MTHFD1L: variants seen among roughly 807,000 people sequenced by gnomAD.
MTHFD1L encodes the protein methylenetetrahydrofolate dehydrogenase (NADP+ dependent) 1 like.
In MTHFD1L, 81 loss-of-function variants were observed where a neutral mutation model predicts 119.5. The ratio of observed to expected loss-of-function variants is 0.68; its 90% CI spans 0.57 to 0.82. The LOEUF is 0.82. Among genes scored for constraint, MTHFD1L ranks in the 40% least tolerant of loss-of-function variants. The pLI is 0.00. For synonymous variants in MTHFD1L, 430 were observed against 475.2 expected, an observed-to-expected ratio of 0.90 and a Z score of 1.24; for missense variants, 1,125 against 1,253.4, an observed-to-expected ratio of 0.90 and a Z score of 1.55.
chr6:150,905,020 T>TA (rs1210567943), intron 7 of MTHFD1L, among the ~76,000 whole-genome samples: 5 of 150,052 alleles, frequency 3.3e-5, no homozygotes, highest in African/African-American at 9.8e-5. Context: ...CTCATGGCCT[T>TA]AGCCCTTGTT....
chr6:151,003,697 G>A (rs926369612), intron 20 of MTHFD1L, among the ~76,000 whole-genome samples: 1 of 152,170 alleles, frequency 6.6e-6, no homozygotes, highest in East Asian at 1.9e-4. Context: ...AAGACACTAG[G>A]CACAATCGTA....
At chr6:151,031,517 G>A (rs1000749084) in intron 24 of MTHFD1L, among the ~76,000 whole-genome samples, 3 of 152,204 alleles carry the variant, frequency 2.0e-5, no homozygotes, top group Admixed American at 1.3e-4. Context: ...TGAAGGCTTC[G>A]TGGAGGAGGT....
chr6:151,095,504 C>T (rs1465751425), intron 27 of MTHFD1L, among the ~76,000 whole-genome samples: 1 of 152,166 alleles, frequency 6.6e-6, no homozygotes, highest in African/African-American at 2.4e-5. Flanking sequence ...CCAATTATAC[C>T]TTAATCACTG....
chr6:151,027,248 CAG>C (rs1784727577), intron 24 of MTHFD1L, among the ~76,000 whole-genome samples: 1 of 152,040 alleles, frequency 6.6e-6, no homozygotes, highest in African/African-American at 2.4e-5. Context: ...AATGTTTATA[CAG>C]AGTCTTGACT....
At chr6:150,974,182 A>G (rs576551845) in intron 20 of MTHFD1L, among the ~76,000 whole-genome samples, 1 of 152,172 alleles carries the variant, frequency 6.6e-6, no homozygotes, top group South Asian at 2.1e-4. Context: ...TGGTTTCCCT[A>G]CCTGTAAAAT....
chr6:150,873,614 A>G (rs1779911351), intron 1 of MTHFD1L, among the ~76,000 whole-genome samples: 1 of 152,104 alleles, frequency 6.6e-6, no homozygotes, highest in South Asian at 2.1e-4. Context: ...GACTCTGTTA[A>G]AAATGCACAT....
intron 27 of MTHFD1L, among the ~76,000 whole-genome samples, chr6:151,094,746 G>A (rs1359686901): frequency 6.6e-6 from 1 of 151,952 alleles, no homozygotes; most frequent in African/African-American, 2.4e-5. Context: ...GTTTCACCAT[G>A]TTGGCCAGGC....
chr6:151,004,506 C>T (rs983999330), intron 20 of MTHFD1L, among the ~76,000 whole-genome samples: 3 of 152,108 alleles, frequency 2.0e-5, no homozygotes, highest in African/African-American at 7.2e-5. Context: ...TCGTTTCTGC[C>T]GTTATCATTG....
In MTHFD1L at chr6:150,865,756, T is replaced by A; in HGVS notation, c.-67T>A. 8.5e-7 allele frequency: 1 copy of A among 1,177,330 alleles called. No individual in the cohort carries two copies. The allele number at this position is 1,177,330 out of a possible 1,614,324, so 72.9% of individuals were successfully genotyped here. A position where few individuals can be genotyped will look rare whatever the true frequency, so the allele number is the denominator to read the frequency against. ...CCGCCGCCGCCGCCGCCTGCTCCCC[T>A]GGCACGCGCCCCGCCGCCCTCGGCA... On this transcript the variant is annotated 5_prime_UTR_variant, in exon 1 of 28. Transcript: ENST00000367321.
chr6:150,896,773 A>T (rs1784296467), intron 7 of MTHFD1L, among the ~76,000 whole-genome samples: 1 of 152,062 alleles, frequency 6.6e-6, no homozygotes, highest in Non-Finnish European at 1.5e-5. Context: ...TGAGGGAAGG[A>T]TTTGTGAGAC....
intron 1 of MTHFD1L, among the ~76,000 whole-genome samples, chr6:150,872,541 C>A (rs1476651926): frequency 1.3e-5 from 2 of 152,096 alleles, no homozygotes; most frequent in African/African-American, 4.8e-5. Flanking sequence ...ATCATGGCCA[C>A]GGTTTGGCCA....
rs372704891 is a variant in MTHFD1L, at chr6:150,955,979, A to C, written c.1727-16A>C. The C allele has an allele frequency of 6.2e-7, 1 of 1,606,290 alleles. No homozygotes were observed. The highest frequency in any genetic ancestry group is 2.2e-5 in the East Asian group (1 of 44,840). ...TCCATATTTGTCGACTGAATGACTA[A>C]TCTGTTCTCTTTCAGTATTGGATAC... On this transcript the variant is annotated splice_polypyrimidine_tract_variant and intron_variant, in intron 16 of 27. Coordinates refer to ENST00000367321, the MANE Select transcript of MTHFD1L (RefSeq NM_015440.5).
At chr6:151,053,852 T>C (rs1431684301) in intron 26 of MTHFD1L, among the ~76,000 whole-genome samples, 2 of 141,522 alleles carry the variant, frequency 1.4e-5, no homozygotes, top group Admixed American at 1.5e-4. Flanking sequence ...AGAGTGAGAC[T>C]CCATCTCAAA....
chr6:150,997,379 A>G (rs947934694), intron 20 of MTHFD1L, among the ~76,000 whole-genome samples: 1 of 151,632 alleles, frequency 6.6e-6, no homozygotes, highest in African/African-American at 2.4e-5. Flanking sequence ...TTTTCATGCT[A>G]CATTTTTGCT....
chr6:151,041,396 G>A (rs1333032631), intron 26 of MTHFD1L, among the ~76,000 whole-genome samples: 1 of 152,162 alleles, frequency 6.6e-6, no homozygotes, highest in Non-Finnish European at 1.5e-5. Context: ...CTGAGGGGAC[G>A]GGGAATGGGG....
chr6:151,032,449 G>A (rs1223901006), intron 24 of MTHFD1L, among the ~76,000 whole-genome samples: 1 of 152,150 alleles, frequency 6.6e-6, no homozygotes, highest in African/African-American at 2.4e-5. Context: ...CGTGAGGACA[G>A]TACCAAGCCA....
chr6:151,055,533 T>TTG (rs1789770066), intron 26 of MTHFD1L, among the ~76,000 whole-genome samples: 1 of 151,122 alleles, frequency 6.6e-6, no homozygotes, highest in African/African-American at 2.4e-5. Context: ...TTTTTTTTTT[T>TTG]TTTTGTTTTT....
chr6:150,966,953 CG>C (rs1026598355), intron 19 of MTHFD1L, among the ~76,000 whole-genome samples: 1 of 152,168 alleles, frequency 6.6e-6, no homozygotes, highest in Non-Finnish European at 1.5e-5. Flanking sequence ...TCTGCAGCCC[CG>C]GGGGAGGGGT....
At chr6:151,068,059 G>T (rs1791526830) in intron 26 of MTHFD1L, among the ~76,000 whole-genome samples, 1 of 152,234 alleles carries the variant, frequency 6.6e-6, no homozygotes, top group Non-Finnish European at 1.5e-5. Flanking sequence ...ACATGAAAGA[G>T]ATGAGTAATG....
Sources: gnomAD v4.1 joint callset for allele counts (sites outside exome capture counted in the v4.1 genomes callset) on GRCh38, gnomAD v4.1.1 for gene constraint, MANE v1.5 for transcripts, NCBI Gene and HGNC (gene_info 2026-07-23, HGNC 2026-07-21) for gene names.